Variants in CFAP91 observed in about 807,000 individuals in gnomAD.
CFAP91 encodes cilia and flagella associated protein 91.
A neutral mutation model predicts 95.9 loss-of-function variants in CFAP91; 85 were observed. The ratio of observed to expected loss-of-function variants is 0.89; its 90% CI spans 0.74 to 1.06. CFAP91 has a LOEUF of 1.06. CFAP91 is among the 50% of genes least tolerant of loss of function. CFAP91 has a pLI of 0.00. For synonymous variants in CFAP91, 335 were observed against 327.5 expected (o/e 1.02, Z -0.25); for missense variants, 962 against 943.4 (o/e 1.02, Z -0.26).
Position 119,766,240 on chromosome 3 carries a change from A to T in CFAP91, c.*1190A>T, listed in dbSNP as rs1242173619. 6.6e-6 allele frequency: 1 copy of T among 152,202 alleles called. No homozygotes were observed. Among genetic ancestry groups the T allele is most frequent in the Non-Finnish European group, 1.5e-5 (1 of 68,044 alleles). 9.4% of individuals were successfully genotyped at this position (152,202 alleles called of 1,614,324 possible). On this transcript the variant is annotated 3_prime_UTR_variant, in exon 18 of 18. Transcript: ENST00000273390. ...GTTAGCTGTAGATGACCTATCCCAC[A>T]GCAATCGGAGTTCTTGAAGAAGAAA...
chr3:119,736,803 C>T (rs1234590795), intron 10 of CFAP91, among the ~76,000 whole-genome samples: 1 of 152,022 alleles, frequency 6.6e-6, no homozygotes, highest in African/African-American at 2.4e-5. Context: ...GATGAATACA[C>T]CAAGAATATA....
chr3:119,708,442 G>T, intron 3 of CFAP91, 149 bp from the exon 4 acceptor site: 1 of 592,398 alleles, frequency 1.7e-6, no homozygotes, highest in Non-Finnish European at 3.0e-6. Flanking sequence ...ACTCTAAGTT[G>T]TATGGCAGTC....
chr3:119,712,922 T>G (rs1013821564), intron 5 of CFAP91, among the ~76,000 whole-genome samples: 2 of 146,450 alleles, frequency 1.4e-5, no homozygotes, highest in African/African-American at 5.1e-5. Context: ...GCCACTGTCC[T>G]CAAGCCTGGG....
At chr3:119,733,660 A>G (rs2053945286) in intron 10 of CFAP91, among the ~76,000 whole-genome samples, 154 bp downstream of exon 10, 1 of 152,144 alleles carries the variant, frequency 6.6e-6, no homozygotes, top group Non-Finnish European at 1.5e-5. Flanking sequence ...GTGCTGAACC[A>G]ATGTGTATTT....
intron 17 of CFAP91, among the ~76,000 whole-genome samples, chr3:119,755,321 C>T (rs1166771811): frequency 6.6e-6 from 1 of 152,066 alleles, no homozygotes; most frequent in Non-Finnish European, 1.5e-5. Flanking sequence ...CTTGAAAATG[C>T]GTATGTTGAA....
intron 17 of CFAP91, among the ~76,000 whole-genome samples, chr3:119,752,549 C>G (rs143306262): frequency 9.7e-4 from 148 of 152,208 alleles, no homozygotes; most frequent in African/African-American, 3.3e-3. Context: ...AATGTAAATT[C>G]AAGGACCAAA....
intron 17 of CFAP91, among the ~76,000 whole-genome samples, chr3:119,755,479 C>T (rs998958010): frequency 2.0e-5 from 3 of 152,094 alleles, no homozygotes; most frequent in Non-Finnish European, 4.4e-5. Context: ...TCTTCCACTC[C>T]CCCTCTGCCA....
At chr3:119,708,293 T>C (rs908601623) in intron 3 of CFAP91, among the ~76,000 whole-genome samples, 3 of 151,704 alleles carry the variant, frequency 2.0e-5, no homozygotes, top group Non-Finnish European at 4.4e-5. Flanking sequence ...AATTGTCTTT[T>C]AATATTTTGC....
chr3:119,761,345 A>G (rs1470325751), intron 17 of CFAP91, among the ~76,000 whole-genome samples: 1 of 151,872 alleles, frequency 6.6e-6, no homozygotes, highest in Non-Finnish European at 1.5e-5. Context: ...AATAATAAGT[A>G]AGAAGATTGA....
At chr3:119,705,083 TG>T in intron 1 of CFAP91, among the ~76,000 whole-genome samples, 1 of 152,364 alleles carries the variant, frequency 6.6e-6, no homozygotes, top group Admixed American at 6.5e-5. Context: ...CACATCTCTA[TG>T]CTTGCTTCCT....
In CFAP91 at chr3:119,716,879, C is replaced by T. The variant is rs1219120168; in HGVS notation, c.682+1136C>T. On this transcript the variant is annotated intron_variant, in intron 6 of 17. Transcript: ENST00000273390. ...TGCTGGGATTACAGGCTTGAGCTAC[C>T]GCACCTGGCCCAACACCCGTACTTT... Among the ~76,000 whole-genome samples the T allele has an allele frequency of 2.0e-5, 3 of 152,134 alleles. No homozygotes were observed. In the South Asian group the frequency reaches 6.2e-4, roughly 32 times the overall value.
chr3:119,715,859 T>C, intron 6 of CFAP91, 116 bp downstream of exon 6: 1 of 851,028 alleles, frequency 1.2e-6, no homozygotes. Context: ...ATAAAGTGTC[T>C]TAGTACAGCA....
At chr3:119,717,489 CATATGTATAGATATT>C in intron 6 of CFAP91, among the ~76,000 whole-genome samples, 3 of 151,536 alleles carry the variant, frequency 2.0e-5, no homozygotes, top group African/African-American at 7.3e-5. Context: ...GCCCACCTAC[CATATGTATAGATATT>C]TTAAAATTAT....
At chr3:119,732,709 T>C (rs1197260167) in intron 9 of CFAP91, among the ~76,000 whole-genome samples, 2 of 152,196 alleles carry the variant, frequency 1.3e-5, no homozygotes, top group Non-Finnish European at 2.9e-5. Flanking sequence ...AAAAAAATGT[T>C]TAATGTCACT....
intron 6 of CFAP91, among the ~76,000 whole-genome samples, chr3:119,718,333 A>T (rs2053618074): frequency 6.6e-6 from 1 of 152,264 alleles, no homozygotes; most frequent in Non-Finnish European, 1.5e-5. Context: ...AAGTGAACTC[A>T]ATAGTAGAAT....
rs1001401541 is a variant in CFAP91, at chr3:119,730,370, T to C, written c.1011T>C (p.His337=). ...AAATGGCAAAAATTCAGCGCACGCATGTATCAAGTAATGGTGTAGTATGAA... is the reference window on the plus strand; with the variant it reads ...AAATGGCAAAAATTCAGCGCACGCACGTATCAAGTAATGGTGTAGTATGAA... The part of the protein sequence containing the change: ...EAKMAKIQRT[H]VSTIRKLVGK... Residue 337 remains histidine (H), a synonymous_variant, in exon 8 of 18, where the codon CAT becomes CAC. Coordinates refer to ENST00000273390, the MANE Select transcript of CFAP91 (RefSeq NM_033364.4). The C allele has an allele frequency of 3.1e-6, 5 of 1,613,880 alleles. No homozygotes were observed. The East Asian group carries it at 8.9e-5, about 29-fold the overall frequency.
Position 119,750,947 on chromosome 3 carries a change from A to C in CFAP91, c.2154A>C (p.Ala718=). Residue 718 remains alanine (A), a synonymous_variant, in exon 17 of 18, where the codon GCA becomes GCC. Transcript: ENST00000273390. ...KYFVKEKVRN[A]QRKHILAAHQ... is the part of the protein sequence containing the mutation. Reference sequence around the variant, plus strand: ...ATTACTTTGGCACAGTGAGGAACGCACAGCGGAAACATATTCTTGCAGCCC... The same window carrying C: ...ATTACTTTGGCACAGTGAGGAACGCCCAGCGGAAACATATTCTTGCAGCCC... The C allele has an allele frequency of 1.2e-6, 2 of 1,613,998 alleles. No individual in the cohort carries two copies. The highest frequency in any genetic ancestry group is 1.7e-6 in the Non-Finnish European group (2 of 1,179,866).
Position 119,733,418 on chromosome 3 carries a change from G to A in CFAP91, c.1256G>A (p.Arg419Lys), listed in dbSNP as rs2053940868. 1.9e-6 allele frequency: 3 copies of A among 1,613,980 alleles called. No individual in the cohort carries two copies. Among genetic ancestry groups the A allele is most frequent in the South Asian group, 1.1e-5 (1 of 91,080 alleles). ...GATTTTGTGACACAACCCCAAATCA[G>A]AGCTCCAAAACCTAAAGTCATTACC... ...LPDFVTQPQI[R>K]APKPKVITTK... The change falls in exon 10 of 18, where the codon AGA becomes AAA. Residue 419 changes from arginine to lysine, a missense_variant. Transcript: ENST00000273390.
chr3:119,705,593 G>C (rs1378524902), intron 1 of CFAP91, among the ~76,000 whole-genome samples: 2 of 152,094 alleles, frequency 1.3e-5, no homozygotes, highest in Non-Finnish European at 2.9e-5. Context: ...CTCCTTACAT[G>C]CCACCTTCTC....
Sources: gnomAD v4.1 joint callset for allele counts (sites outside exome capture counted in the v4.1 genomes callset) on GRCh38, gnomAD v4.1.1 for gene constraint, MANE v1.5 for transcripts, NCBI Gene and HGNC (gene_info 2026-07-23, HGNC 2026-07-21) for gene names.